The following SGCD variants were observed in gnomAD, a reference collection of about 807,000 sequenced individuals.
The protein encoded by SGCD is sarcoglycan delta.
SGCD carries 18 observed loss-of-function variants against 36.6 expected under a neutral mutation model. The ratio of observed to expected loss-of-function variants is 0.49; its 90% CI spans 0.34 to 0.73. The LOEUF (loss-of-function observed/expected upper bound fraction) is 0.73. SGCD is among the 30% of genes least tolerant of loss of function. SGCD has a pLI of 0.01. For missense variants in SGCD, 387 were observed against 346.7 expected, an observed-to-expected ratio of 1.12 and a Z score of -0.92; for synonymous variants, 133 against 130.6, an observed-to-expected ratio of 1.02 and a Z score of -0.12.
chr5:156,427,489 C>A (rs1773725193), intron 3 of SGCD, among the ~76,000 whole-genome samples: 1 of 152,048 alleles, frequency 6.6e-6, no homozygotes, highest in African/African-American at 2.4e-5. Context: ...TGAACAGCGA[C>A]AGTTTTACTT....
At chr5:156,063,695 A>C (rs1275939376) in intron 1 of SGCD, among the ~76,000 whole-genome samples, 94 of 24,744 alleles carry the variant, frequency 3.8e-3, no homozygotes, top group Admixed American at 5.7e-3. Context: ...TCTTTGAAGC[A>C]ATTGTGAATG....
At chr5:155,792,957 G>A in the SGCD span, among the ~76,000 whole-genome samples, 16 of 152,314 alleles carry the variant, frequency 1.1e-4, no homozygotes, top group Admixed American at 6.5e-4. Flanking sequence ...GCACTTGTAT[G>A]TTTATTGCAG....
At chr5:156,257,343 G>T (rs1324943772) in intron 3 of SGCD, among the ~76,000 whole-genome samples, 1 of 151,876 alleles carries the variant, frequency 6.6e-6, no homozygotes, top group Non-Finnish European at 1.5e-5. Context: ...GCATGGTGGC[G>T]GGTGCCTGTA....
At chr5:156,089,163 G>T (rs1291915277) in intron 1 of SGCD, among the ~76,000 whole-genome samples, 1 of 152,164 alleles carries the variant, frequency 6.6e-6, no homozygotes, top group African/African-American at 2.4e-5. Flanking sequence ...CAGATTCAAA[G>T]GTGGGATCCC....
chr5:155,799,906 C>T, the SGCD span, among the ~76,000 whole-genome samples: 1 of 148,592 alleles, frequency 6.7e-6, no homozygotes, highest in East Asian at 2.0e-4. Flanking sequence ...GCAATCTCTG[C>T]CACCAAGGTT....
the SGCD span, among the ~76,000 whole-genome samples, chr5:155,732,179 A>G: frequency 6.6e-6 from 1 of 152,182 alleles, no homozygotes; most frequent in Non-Finnish European, 1.5e-5. Context: ...TTCTTCATGT[A>G]CTATCTGCCC....
chr5:155,859,693 A>T, the SGCD span, among the ~76,000 whole-genome samples: 39 of 152,082 alleles, frequency 2.6e-4, no homozygotes, highest in East Asian at 1.9e-3. Context: ...TCTTTTATGG[A>T]TGCATAGCAT....
At chr5:156,309,781 C>T (rs1280451298) in intron 3 of SGCD, among the ~76,000 whole-genome samples, 1 of 151,750 alleles carries the variant, frequency 6.6e-6, no homozygotes, top group Admixed American at 6.6e-5. Context: ...CCACCACGCC[C>T]CACCCGATCT....
chr5:156,019,385 T>C (rs1759051804), intron 1 of SGCD, among the ~76,000 whole-genome samples: 2 of 152,212 alleles, frequency 1.3e-5, no homozygotes, highest in Admixed American at 6.5e-5. Flanking sequence ...TTTGATATTC[T>C]TCTTTCCAAA....
chr5:156,462,134 T>C (rs530778252), intron 3 of SGCD, among the ~76,000 whole-genome samples: 12 of 152,314 alleles, frequency 7.9e-5, no homozygotes, highest in African/African-American at 2.6e-4. Flanking sequence ...TAAATATCTG[T>C]GCTTTTCCTC....
chr5:155,732,385 T>C, the SGCD span, among the ~76,000 whole-genome samples: 3 of 152,208 alleles, frequency 2.0e-5, no homozygotes, highest in Admixed American at 6.5e-5. Context: ...CTGGTCCTAA[T>C]TATGTACCGT....
intron 1 of SGCD, among the ~76,000 whole-genome samples, chr5:155,971,389 G>T (rs1227715954): frequency 6.6e-6 from 1 of 152,142 alleles, no homozygotes; most frequent in Non-Finnish European, 1.5e-5. Flanking sequence ...GTTAGCGACA[G>T]CTCCTACTAA....
intron 3 of SGCD, among the ~76,000 whole-genome samples, chr5:156,490,607 T>C (rs1755892353): frequency 6.6e-6 from 1 of 151,988 alleles, no homozygotes; most frequent in Admixed American, 6.6e-5. Context: ...ACAGAAACTA[T>C]ATAATCCTCT....
intron 3 of SGCD, among the ~76,000 whole-genome samples, chr5:156,499,758 A>G (rs1756366730): frequency 6.6e-6 from 1 of 152,196 alleles, no homozygotes; most frequent in African/African-American, 2.4e-5. Flanking sequence ...TGTGCTAAAG[A>G]TTATATTAAG....
At chr5:155,956,751 G>A (rs1757660221) in intron 1 of SGCD, among the ~76,000 whole-genome samples, 1 of 151,246 alleles carries the variant, frequency 6.6e-6, no homozygotes, top group Non-Finnish European at 1.5e-5. Context: ...CCTTCATTGT[G>A]TGTGTCTTCT....
intron 1 of SGCD, among the ~76,000 whole-genome samples, chr5:155,879,049 A>G (rs1397616181): frequency 2.0e-5 from 3 of 152,030 alleles, no homozygotes; most frequent in African/African-American, 7.2e-5. Flanking sequence ...AAGAGGAAAT[A>G]GCTGTGATCA....
intron 3 of SGCD, among the ~76,000 whole-genome samples, chr5:156,223,060 A>T (rs2127646747): frequency 6.6e-6 from 1 of 152,274 alleles, no homozygotes; most frequent in Admixed American, 6.5e-5. Flanking sequence ...TATGATAAGT[A>T]TGAAAATAAG....
At chr5:156,676,526 G>C (rs1269069805) in intron 7 of SGCD, among the ~76,000 whole-genome samples, 1 of 152,088 alleles carries the variant, frequency 6.6e-6, no homozygotes, top group African/African-American at 2.4e-5. Context: ...TTTCTGGGGC[G>C]GCTCTTGAAA....
intron 3 of SGCD, among the ~76,000 whole-genome samples, chr5:156,405,831 T>G (rs944925076): frequency 6.6e-6 from 1 of 152,090 alleles, no homozygotes; most frequent in Non-Finnish European, 1.5e-5. Flanking sequence ...TTCAAGCTCC[T>G]GAGTCTTCTG....
Sources: allele counts gnomAD v4.1 joint callset (sites outside exome capture counted in the v4.1 genomes callset), GRCh38; gene constraint gnomAD v4.1.1; transcripts MANE v1.5; gene names NCBI Gene and HGNC (gene_info 2026-07-23, HGNC 2026-07-21).